Variants in EVL observed in about 807,000 individuals in gnomAD.
The protein encoded by EVL is ena/VASP-like protein.
EVL carries 21 observed loss-of-function variants against 59.6 expected under a neutral mutation model. The observed-to-expected ratio is 0.35, with a 90% CI of 0.25 to 0.51. The LOEUF is 0.51. Among genes scored for constraint, EVL ranks in the 20% least tolerant of loss-of-function variants. EVL has a pLI of 0.97. For synonymous variants in EVL, 198 were observed against 203.5 expected (o/e 0.97, Z 0.23); for missense variants, 462 against 546.6 (o/e 0.85, Z 1.54).
chr14:99,990,191 A>G (rs909234077), intron 1 of EVL, among the ~76,000 whole-genome samples: 1 of 152,188 alleles, frequency 6.6e-6, no homozygotes, highest in African/African-American at 2.4e-5. Flanking sequence ...AATATTCTTA[A>G]TGACATCTAG....
At chr14:99,991,234 A>G (rs959447245) in intron 1 of EVL, among the ~76,000 whole-genome samples, 3 of 152,194 alleles carry the variant, frequency 2.0e-5, no homozygotes, top group Non-Finnish European at 4.4e-5. Flanking sequence ...TTCTTTCTCT[A>G]GCTTATTTTA....
chr14:100,003,334 C>CT (rs1307920410), intron 1 of EVL, among the ~76,000 whole-genome samples: 2 of 152,190 alleles, frequency 1.3e-5, no homozygotes, highest in African/African-American at 4.8e-5. Flanking sequence ...AGTCAAAGCC[C>CT]TGTAACTCAG....
chr14:100,062,490 TATTTA>T (rs2061854940), upstream of EVL, among the ~76,000 whole-genome samples: 1 of 151,092 alleles, frequency 6.6e-6, no homozygotes, highest in African/African-American at 2.4e-5. Flanking sequence ...TTCTGAAAAG[TATTTA>T]GTTTACCCAC....
In EVL at chr14:100,108,038, A is replaced by G. The variant is rs1886690979; in HGVS notation, c.358+10380A>G. The G allele has an allele frequency of 6.6e-6, 1 of 152,238 alleles. No homozygotes were observed. Among genetic ancestry groups the G allele is most frequent in the African/African-American group, 2.4e-5 (1 of 41,450 alleles). 9.4% of individuals were successfully genotyped at this position (152,238 alleles called of 1,614,324 possible). A position where few individuals can be genotyped will look rare whatever the true frequency, so the allele number is the denominator to read the frequency against. The stretch of plus-strand genomic sequence containing the variant: ...TTTCCTACTTGGTTTGCGTGTAATA[A>G]CATCATTGGTATATTTCAAAATATG... On this transcript the variant is annotated intron_variant, in intron 3 of 13. Transcript: ENST00000392920. The surrounding 1 kb of genome is among the most constrained non-coding windows in gnomAD (Gnocchi z 4.1).
intron 1 of EVL, among the ~76,000 whole-genome samples, chr14:99,991,497 T>A (rs1014663497): frequency 6.6e-6 from 1 of 152,238 alleles, no homozygotes; most frequent in Admixed American, 6.5e-5. Context: ...GATGTTAACA[T>A]CACACATAGG....
chr14:100,121,774 C>A (rs140669771), intron 3 of EVL, among the ~76,000 whole-genome samples: 1 of 152,270 alleles, frequency 6.6e-6, no homozygotes, highest in East Asian at 1.9e-4. Context: ...CCATCGGGGT[C>A]CTGACAAGGG....
intron 1 of EVL, among the ~76,000 whole-genome samples, chr14:100,082,833 A>T (rs531080161): frequency 8.5e-5 from 13 of 152,338 alleles, no homozygotes; most frequent in Admixed American, 7.2e-4. Flanking sequence ...GGTGTCCCCA[A>T]ACCAAGGCTT....
chr14:100,140,143 C>T (rs1285644105), intron 11 of EVL: 2 of 150,026 alleles, frequency 1.3e-5, no homozygotes, highest in Non-Finnish European at 3.0e-5. Flanking sequence ...CCCAGCTACT[C>T]GGGAGGCTCA....
intron 1 of EVL, among the ~76,000 whole-genome samples, chr14:99,979,172 A>G (rs1047658467): frequency 1.2e-4 from 19 of 152,108 alleles, no homozygotes; most frequent in Non-Finnish European, 1.9e-4. Context: ...CCGCCCATAC[A>G]CAAATAATCC....
At chr14:100,045,909 C>G (rs1474154152) in intron 1 of EVL, among the ~76,000 whole-genome samples, 1 of 152,124 alleles carries the variant, frequency 6.6e-6, no homozygotes, top group South Asian at 2.1e-4. Context: ...TTCCTCCAGC[C>G]GTGTCCTGCA....
chr14:100,052,155 C>T lies in EVL; in HGVS notation c.6-32532C>T, dbSNP rs201613213. Reference sequence around the variant, plus strand: ...TAGTTGGTTTTAAAACTAAGAATCCCGAAGTGCTATGCTTTCACTGTGATG... The same window carrying T: ...TAGTTGGTTTTAAAACTAAGAATCCTGAAGTGCTATGCTTTCACTGTGATG... On this transcript the variant is annotated intron_variant, in intron 1 of 13. Coordinates refer to the EVL transcript ENST00000402714. 3.9e-5 allele frequency among the ~76,000 whole-genome samples: 6 copies of T among 152,126 alleles called. No homozygotes were observed. The East Asian group carries it at 9.6e-4, about 24-fold the overall frequency.
intron 1 of EVL, among the ~76,000 whole-genome samples, chr14:99,999,660 G>A (rs1243330145): frequency 1.3e-5 from 2 of 152,186 alleles, no homozygotes; most frequent in South Asian, 2.1e-4. Flanking sequence ...AATAAAACAT[G>A]TCAGCCTTTA....
chr14:100,053,626 A>G (rs544361179), intron 1 of EVL, among the ~76,000 whole-genome samples: 65 of 152,336 alleles, frequency 4.3e-4, no homozygotes, highest in African/African-American at 1.6e-3. Flanking sequence ...GCAATAAGAA[A>G]CTTTATGAGA....
At chr14:100,034,164 A>G (rs2061353975) in intron 1 of EVL, among the ~76,000 whole-genome samples, 1 of 150,206 alleles carries the variant, frequency 6.7e-6, no homozygotes, top group Admixed American at 6.7e-5. Flanking sequence ...TGAAACCAAG[A>G]GTGGAGGTTG....
chr14:100,052,502 A>C (rs550565456), intron 1 of EVL, among the ~76,000 whole-genome samples: 26 of 152,320 alleles, frequency 1.7e-4, no homozygotes, highest in Non-Finnish European at 3.4e-4. Context: ...CTGTAATCCC[A>C]GTACTTTGGG....
chr14:100,103,722 C>T (rs532644579), intron 3 of EVL, among the ~76,000 whole-genome samples: 1 of 152,132 alleles, frequency 6.6e-6, no homozygotes, highest in Non-Finnish European at 1.5e-5. Flanking sequence ...GTTTGGTCTC[C>T]CACAAGGCTG....
At chr14:99,973,625 G>A (rs942263417) in intron 1 of EVL, among the ~76,000 whole-genome samples, 4 of 152,152 alleles carry the variant, frequency 2.6e-5, no homozygotes, top group African/African-American at 9.7e-5. Flanking sequence ...ACCACACCTG[G>A]CTGATTTTTG....
chr14:100,008,750 G>A (rs907304863), intron 1 of EVL, among the ~76,000 whole-genome samples: 8 of 152,138 alleles, frequency 5.3e-5, no homozygotes, highest in Non-Finnish European at 1.2e-4. Context: ...TTAGCAATCC[G>A]TGGGAAGGTC....
At chr14:100,058,910 C>T (rs1045320999) in intron 1 of EVL, among the ~76,000 whole-genome samples, 1 of 152,198 alleles carries the variant, frequency 6.6e-6, no homozygotes, top group African/African-American at 2.4e-5. Context: ...TCACTCTTAC[C>T]TGTTACCTAC....
Sources: gnomAD v4.1 joint callset for allele counts (sites outside exome capture counted in the v4.1 genomes callset) on GRCh38, gnomAD v4.1.1 for gene constraint, Gnocchi (gnomAD v3.1) non-coding constraint, MANE v1.5 for transcripts, NCBI Gene and HGNC (gene_info 2026-07-23, HGNC 2026-07-21) for gene names.